Variants in ARHGAP19 observed in about 807,000 individuals in gnomAD.
ARHGAP19 encodes the protein Rho GTPase activating protein 19, also known as rho GTPase-activating protein 19.
ARHGAP19 carries 48 observed loss-of-function variants against 60.9 expected under a neutral mutation model. That is an observed-to-expected ratio of 0.79 (90% confidence interval 0.62 to 1.00). ARHGAP19 has a LOEUF of 1.00. Ranked by LOEUF, ARHGAP19 falls within the 50% of genes least tolerant of loss-of-function variation. The pLI is 0.00. For synonymous variants in ARHGAP19, 209 were observed against 215.5 expected, an observed-to-expected ratio of 0.97 and a Z score of 0.27; for missense variants, 562 against 597.2, an observed-to-expected ratio of 0.94 and a Z score of 0.61.
At chr10:97,287,449 T>A (rs1564730769) in intron 1 of ARHGAP19, among the ~76,000 whole-genome samples, 3 of 152,202 alleles carry the variant, frequency 2.0e-5, no homozygotes, top group Non-Finnish European at 4.4e-5. Flanking sequence ...TTTTTCCTTG[T>A]TTAAATCTTT....
At chr10:97,279,354 G>A (rs576645639) in intron 1 of ARHGAP19, among the ~76,000 whole-genome samples, 2 of 152,112 alleles carry the variant, frequency 1.3e-5, no homozygotes, top group African/African-American at 2.4e-5. Flanking sequence ...CTTAGGAGTA[G>A]CTGTGCAATG....
chr10:97,270,516 C>T (rs1455263883), intron 1 of ARHGAP19: 2 of 1,016,384 alleles, frequency 2.0e-6, no homozygotes, highest in Non-Finnish European at 2.9e-6. Context: ...GAAAAAACTA[C>T]TATATTTAAG....
At chr10:97,261,210 C>G (rs181396010) in intron 4 of ARHGAP19, among the ~76,000 whole-genome samples, 2 of 152,258 alleles carry the variant, frequency 1.3e-5, no homozygotes, top group East Asian at 3.9e-4. Flanking sequence ...GTACAACTCA[C>G]ATAGATGTAA....
intron 1 of ARHGAP19, among the ~76,000 whole-genome samples, chr10:97,284,913 G>C (rs1843134231): frequency 6.7e-6 from 1 of 148,556 alleles, no homozygotes; most frequent in South Asian, 2.2e-4. Flanking sequence ...GCCCAGGCTG[G>C]AGTGCAATGG....
At chr10:97,258,324 G>A (rs999909968) in intron 5 of ARHGAP19, among the ~76,000 whole-genome samples, 5 of 152,110 alleles carry the variant, frequency 3.3e-5, no homozygotes, top group Non-Finnish European at 7.4e-5. Context: ...TCAGCAGTTC[G>A]AGACCCGCCT....
Position 97,259,362 on chromosome 10 carries a change from A to G in ARHGAP19, c.840+40T>C, listed in dbSNP as rs571665322. On this transcript the variant is annotated intron_variant, in intron 5 of 11. Coordinates refer to ENST00000358531, the MANE Select transcript of ARHGAP19 (RefSeq NM_032900.6). ...CAGCCATAGAATGAGGCCCAGCCCA[A>G]GAAAACCAAGCAATCTTTACTCTTC... The G allele has an allele frequency of 1.6e-5, 24 of 1,535,208 alleles. No individual in the cohort carries two copies. The African/African-American group carries it at 2.9e-4, about 18-fold the overall frequency.
intron 6 of ARHGAP19, among the ~76,000 whole-genome samples, chr10:97,254,789 A>G (rs537084518): frequency 2.0e-4 from 30 of 152,324 alleles, no homozygotes; most frequent in African/African-American, 7.2e-4. Context: ...TATAGCTGAT[A>G]AAGGATGATA....
intron 1 of ARHGAP19, among the ~76,000 whole-genome samples, chr10:97,273,484 C>CTTTTTTTTTTTTTTTT (rs11442502): frequency 1.1e-5 from 1 of 92,498 alleles, no homozygotes; most frequent in Non-Finnish European, 2.0e-5. Context: ...TTTCTGCTCT[C>CTTTTTTTTTTTTTTTT]TTTTTTTTTT....
At chr10:97,255,532 G>T (rs1842741504) in intron 6 of ARHGAP19, among the ~76,000 whole-genome samples, 1 of 152,054 alleles carries the variant, frequency 6.6e-6, no homozygotes, top group Non-Finnish European at 1.5e-5. Context: ...AGCCAAGACT[G>T]TACCAATGCA....
intron 4 of ARHGAP19, 127 bp from the exon 5 acceptor site, chr10:97,259,755 A>C (rs1842803639): frequency 8.7e-6 from 6 of 685,846 alleles, no homozygotes; most frequent in Non-Finnish European, 2.6e-6. Context: ...GCAGAAACAC[A>C]ATTCAAAGAC....
In ARHGAP19 at chr10:97,229,678, C is replaced by T. The variant is rs1589442153; in HGVS notation, c.1395+86G>A. On this transcript the variant is annotated intron_variant, in intron 10 of 11. Transcript: ENST00000358531. ...GCCATTTGAATGGCCCAAAGAAACA[C>T]AGTAAAACAGATGACAGTATATCAA... 5.0e-6 allele frequency: 5 copies of T among 998,736 alleles called. No homozygotes were observed. The East Asian group carries it at 7.2e-5, about 14-fold the overall frequency. 61.9% of individuals were successfully genotyped at this position (998,736 alleles called of 1,614,324 possible).
At chr10:97,246,866 G>A (rs1842571233) in intron 6 of ARHGAP19, among the ~76,000 whole-genome samples, 1 of 151,998 alleles carries the variant, frequency 6.6e-6, no homozygotes, top group Admixed American at 6.6e-5. Flanking sequence ...TGGCCAGCAC[G>A]GTGGCTCATG....
At chr10:97,246,415 T>C in intron 6 of ARHGAP19, 78 bp from the exon 7 acceptor site, 2 of 1,152,574 alleles carry the variant, frequency 1.7e-6, no homozygotes. Context: ...AGGACAGTGG[T>C]TCTCAAAATC....
chr10:97,272,624 T>C (rs1417564515), intron 1 of ARHGAP19, among the ~76,000 whole-genome samples: 1 of 152,192 alleles, frequency 6.6e-6, no homozygotes. Flanking sequence ...TTTTGTTAAG[T>C]TGTAGATTTC....
intron 1 of ARHGAP19, among the ~76,000 whole-genome samples, chr10:97,288,755 T>C (rs934877022): frequency 1.9e-4 from 28 of 150,964 alleles, no homozygotes; most frequent in Non-Finnish European, 3.5e-4. Flanking sequence ...ATGTGATAAA[T>C]ACATATGTGT....
chr10:97,239,427 C>T (rs1842433267), intron 8 of ARHGAP19, among the ~76,000 whole-genome samples: 1 of 151,578 alleles, frequency 6.6e-6, no homozygotes, highest in South Asian at 2.1e-4. Flanking sequence ...ACCCAGGAGG[C>T]GGAGATTGCA....
chr10:97,267,552 T>G (rs1436308323), intron 1 of ARHGAP19, among the ~76,000 whole-genome samples: 3 of 152,260 alleles, frequency 2.0e-5, no homozygotes, highest in Admixed American at 6.5e-5. Context: ...TCTTCTGAAC[T>G]GCCCTAGCAG....
chr10:97,287,143 CT>C (rs1169666526), intron 1 of ARHGAP19, among the ~76,000 whole-genome samples: 1 of 151,936 alleles, frequency 6.6e-6, no homozygotes, highest in Non-Finnish European at 1.5e-5. Context: ...TAGGATCTCC[CT>C]ATATTGCCCA....
intron 9 of ARHGAP19, among the ~76,000 whole-genome samples, chr10:97,231,974 C>T: frequency 6.8e-6 from 1 of 146,166 alleles, no homozygotes; most frequent in South Asian, 2.1e-4. Context: ...TTGTTATTTT[C>T]CGTTGTTTTT....
Sources: allele counts gnomAD v4.1 joint callset (sites outside exome capture counted in the v4.1 genomes callset), GRCh38; gene constraint gnomAD v4.1.1; transcripts MANE v1.5; gene names NCBI Gene and HGNC (gene_info 2026-07-23, HGNC 2026-07-21).